The following ZRANB3 variants were observed in gnomAD, a reference collection of about 807,000 sequenced individuals.
The protein encoded by ZRANB3 is zinc finger RANBP2-type containing 3, also known as DNA annealing helicase and endonuclease ZRANB3.
A neutral mutation model predicts 133.8 loss-of-function variants in ZRANB3; 125 were observed. The ratio of observed to expected loss-of-function variants is 0.93; its 90% CI spans 0.81 to 1.08. The LOEUF is 1.08. ZRANB3 is among the 50% of genes least tolerant of loss of function. The probability of loss-of-function intolerance (pLI) is 0.00; values close to 1 mark genes in which losing one functional copy is unlikely to be tolerated. For missense variants in ZRANB3, 1,229 were observed against 1,275.5 expected (o/e 0.96, Z 0.56); for synonymous variants, 387 against 432.7 (o/e 0.89, Z 1.31).
intron 9 of ZRANB3, among the ~76,000 whole-genome samples, chr2:135,273,539 A>ATT (rs577736500): frequency 6.9e-6 from 1 of 144,966 alleles, no homozygotes; most frequent in Non-Finnish European, 1.5e-5. Flanking sequence ...GAATATCTAC[A>ATT]TTTTTTTTTT....
At chr2:135,273,168 T>G (rs1217377658) in intron 9 of ZRANB3, among the ~76,000 whole-genome samples, 2 of 143,294 alleles carry the variant, frequency 1.4e-5, no homozygotes, top group South Asian at 2.2e-4. Context: ...CCTGGGCGAC[T>G]GAGCGAGACT....
intron 2 of ZRANB3, among the ~76,000 whole-genome samples, chr2:135,443,995 C>T (rs1689908475): frequency 6.6e-6 from 1 of 151,708 alleles, no homozygotes; most frequent in African/African-American, 2.4e-5. Flanking sequence ...TCACTAGAGA[C>T]AATACTTAAT....
At chr2:135,286,229 C>A (rs1681357669) in intron 8 of ZRANB3, among the ~76,000 whole-genome samples, 1 of 152,152 alleles carries the variant, frequency 6.6e-6, no homozygotes, top group South Asian at 2.1e-4. Context: ...ACCCCTCTCA[C>A]CCTTTCCCCA....
intron 3 of ZRANB3, among the ~76,000 whole-genome samples, chr2:135,389,687 A>G (rs953476843): frequency 6.6e-6 from 1 of 152,158 alleles, no homozygotes; most frequent in Non-Finnish European, 1.5e-5. Context: ...CCTGGGCGAC[A>G]GAGCCAGATT....
Position 135,284,891 on chromosome 2 carries a change from G to T in ZRANB3, c.967-9136C>A, listed in dbSNP as rs564159311. Among the ~76,000 whole-genome samples, 16 of 150,822 alleles carry T rather than the reference G, an allele frequency of 1.1e-4. No homozygotes were observed. The East Asian group carries it at 2.7e-3, about 26-fold the overall frequency. On this transcript the variant is annotated intron_variant, in intron 8 of 20. Transcript: ENST00000264159. ...ACAGAGTTTTGCTCTTGTTGCCTAG[G>T]CTGGAGTGCCACGGTGCACTCTTGG...
Position 135,231,877 on chromosome 2 carries a change from T to C in ZRANB3, c.1540-950A>G, listed in dbSNP as rs59322469. 3.0e-3 allele frequency among the ~76,000 whole-genome samples: 453 copies of C among 152,034 alleles called. 2 individuals carry two copies. Among genetic ancestry groups the C allele is most frequent in the African/African-American group, 0.01 (429 of 41,482 alleles). On this transcript the variant is annotated intron_variant, in intron 12 of 20. Coordinates refer to ENST00000264159, the MANE Select transcript of ZRANB3 (RefSeq NM_032143.4). ...CTACAGCTTCCAGCATGACTGAAGA[T>C]GGGTGATTTCTGCATTTCCAACTGA...
At chr2:135,443,571 ATTTG>A (rs1192190055) in intron 2 of ZRANB3, among the ~76,000 whole-genome samples, 1 of 152,186 alleles carries the variant, frequency 6.6e-6, no homozygotes, top group African/African-American at 2.4e-5. Context: ...AGCAAAAGGC[ATTTG>A]TTTAACACAA....
chr2:135,328,905 G>C (rs1215010285), intron 6 of ZRANB3, among the ~76,000 whole-genome samples: 1 of 151,870 alleles, frequency 6.6e-6, no homozygotes, highest in East Asian at 1.9e-4. Context: ...CTTTTGGCTG[G>C]GGTTGATTTT....
At chr2:135,431,885 T>C (rs1689340392) in intron 2 of ZRANB3, among the ~76,000 whole-genome samples, 1 of 152,114 alleles carries the variant, frequency 6.6e-6, no homozygotes, top group South Asian at 2.1e-4. Flanking sequence ...CAAATTTAAA[T>C]AGTTGTACGA....
chr2:135,230,968 C>G, intron 12 of ZRANB3, 41 bp from the exon 13 acceptor site: 1 of 1,490,472 alleles, frequency 6.7e-7, no homozygotes, highest in Non-Finnish European at 8.9e-7. Context: ...AAGAAGCAAT[C>G]TAATATGTTC....
chr2:135,355,346 T>A, intron 3 of ZRANB3: 1 of 748,402 alleles, frequency 1.3e-6, no homozygotes, highest in Non-Finnish European at 1.6e-6. Context: ...AGCAGAACTT[T>A]AACAATCACA....
rs145053296 is a variant in ZRANB3, at chr2:135,297,328, G to T, written c.966+16161C>A. Among the ~76,000 whole-genome samples, 608 of 152,338 alleles carry T rather than the reference G, an allele frequency of 4.0e-3. 5 individuals are homozygous for T. Among genetic ancestry groups the T allele is most frequent in the African/African-American group, 0.014 (580 of 41,572 alleles). On this transcript the variant is annotated intron_variant, in intron 8 of 20. Coordinates refer to ENST00000264159, the MANE Select transcript of ZRANB3 (RefSeq NM_032143.4). ...CCACCTTGCAGTTTGATCTCAGACTGCTGTGCTAGCAATGAGCAAGGCTCA... is the reference window on the plus strand; with the variant it reads ...CCACCTTGCAGTTTGATCTCAGACTTCTGTGCTAGCAATGAGCAAGGCTCA...
intron 2 of ZRANB3, among the ~76,000 whole-genome samples, chr2:135,419,959 T>C (rs1688762059): frequency 6.6e-6 from 1 of 151,408 alleles, no homozygotes; most frequent in Admixed American, 6.6e-5. Context: ...CACAATAGAA[T>C]TTGTTTTGAT....
intron 8 of ZRANB3, among the ~76,000 whole-genome samples, chr2:135,305,665 T>C (rs1420160762): frequency 6.6e-6 from 1 of 152,200 alleles, no homozygotes; most frequent in Non-Finnish European, 1.5e-5. Context: ...GTGTATCTGC[T>C]CTACCAATGA....
At chr2:135,255,879 C>A (rs2105100673) in intron 12 of ZRANB3, among the ~76,000 whole-genome samples, 1 of 151,650 alleles carries the variant, frequency 6.6e-6, no homozygotes, top group East Asian at 1.9e-4. Flanking sequence ...ACAAAAAAAA[C>A]CCAATCAGAT....
intron 2 of ZRANB3, among the ~76,000 whole-genome samples, chr2:135,472,422 C>A (rs531675596): frequency 1.3e-5 from 2 of 151,720 alleles, no homozygotes; most frequent in East Asian, 3.9e-4. Context: ...ATGGCGTGAA[C>A]CCGGGAGGCG....
rs1304922055 is a variant in ZRANB3 at position 135,511,266 on chromosome 2, T to A, written c.-7-6770A>T. The A allele has an allele frequency of 6.6e-5, 68 of 1,026,106 alleles. 1 individual carries two copies. In the East Asian group the frequency reaches 1.5e-3, roughly 23 times the overall value. The allele number at this position is 1,026,106 out of a possible 1,614,324, so 63.6% of individuals were successfully genotyped here. ...TGCTGGAGAAGAACTCTTCTGAGCA[T>A]CCTCAGGAGCAGTTTCTTCTAATAC... is the stretch of plus-strand genomic sequence containing the variant. On this transcript the variant is annotated intron_variant, in intron 1 of 20. Coordinates refer to ENST00000264159, the MANE Select transcript of ZRANB3 (RefSeq NM_032143.4).
At chr2:135,486,838 G>C (rs1241408214) in intron 2 of ZRANB3, among the ~76,000 whole-genome samples, 2 of 152,142 alleles carry the variant, frequency 1.3e-5, no homozygotes, top group African/African-American at 4.8e-5. Flanking sequence ...TTGAACCCCT[G>C]CAAGTAATCC....
intron 19 of ZRANB3, among the ~76,000 whole-genome samples, chr2:135,204,223 T>C (rs574113155): frequency 1.2e-4 from 18 of 152,286 alleles, no homozygotes; most frequent in African/African-American, 3.9e-4. Flanking sequence ...GTGCTGAACT[T>C]CCCAACTTCT....
Sources: allele counts gnomAD v4.1 joint callset (sites outside exome capture counted in the v4.1 genomes callset), GRCh38; gene constraint gnomAD v4.1.1; transcripts MANE v1.5; gene names NCBI Gene and HGNC (gene_info 2026-07-23, HGNC 2026-07-21).